PTPRT: variants seen among roughly 807,000 people sequenced by gnomAD.
PTPRT encodes receptor-type tyrosine-protein phosphatase T.
Under a neutral mutation model 176.8 loss-of-function variants are expected in PTPRT, and 56 were observed. That is an observed-to-expected ratio of 0.32 (90% CI 0.26 to 0.40). The LOEUF is 0.40. Ranked by LOEUF, PTPRT falls within the 10% of genes least tolerant of loss-of-function variation. PTPRT has a pLI of 1.00. For synonymous variants in PTPRT, 783 were observed against 739.0 expected (o/e 1.06, Z -0.96); for missense variants, 1,540 against 1,908.2 (o/e 0.81, Z 3.60).
At chr20:42,296,584 A>G (rs1291832390) in intron 12 of PTPRT, among the ~76,000 whole-genome samples, 1 of 152,210 alleles carries the variant, frequency 6.6e-6, no homozygotes, top group Non-Finnish European at 1.5e-5. Flanking sequence ...TATAAAATTA[A>G]TATAGTAAAT....
intron 11 of PTPRT, among the ~76,000 whole-genome samples, chr20:42,345,715 A>C (rs2058184808): frequency 1.3e-5 from 2 of 151,388 alleles, no homozygotes; most frequent in Admixed American, 1.3e-4. Flanking sequence ...ATAGAGGGGT[A>C]TGTAGAAACA....
chr20:43,007,460 T>C (rs1004486636), intron 1 of PTPRT, among the ~76,000 whole-genome samples: 1 of 152,260 alleles, frequency 6.6e-6, no homozygotes, highest in Non-Finnish European at 1.5e-5. Context: ...AACTTTGATA[T>C]GTAAATTAAA....
At chr20:42,124,789 C>T (rs1387160562) in intron 19 of PTPRT, among the ~76,000 whole-genome samples, 2 of 152,192 alleles carry the variant, frequency 1.3e-5, no homozygotes, top group Non-Finnish European at 2.9e-5. Context: ...AGTTCCTCTA[C>T]TCTTCACCCT....
chr20:42,051,922 T>C, the PTPRT span, among the ~76,000 whole-genome samples: 1 of 152,186 alleles, frequency 6.6e-6, no homozygotes, highest in Non-Finnish European at 1.5e-5. Flanking sequence ...TCCCAGATTG[T>C]TTAGCTCCTG....
At chr20:42,829,788 T>C (rs1408119109) in intron 2 of PTPRT, among the ~76,000 whole-genome samples, 1 of 152,006 alleles carries the variant, frequency 6.6e-6, no homozygotes. Context: ...TCCACAGAAA[T>C]AAAAATTATC....
intron 1 of PTPRT, among the ~76,000 whole-genome samples, chr20:42,992,764 G>A (rs1051340180): frequency 1.3e-5 from 2 of 152,176 alleles, no homozygotes; most frequent in Non-Finnish European, 2.9e-5. Context: ...GGCAGTTCTG[G>A]CTTGATGTCA....
At chr20:42,617,863 A>T (rs1267649524) in intron 7 of PTPRT, among the ~76,000 whole-genome samples, 2 of 137,496 alleles carry the variant, frequency 1.5e-5, no homozygotes, top group East Asian at 2.0e-4. Flanking sequence ...GTGGTCTATC[A>T]ATTTTGTTGA....
chr20:42,843,773 G>A (rs1437296087), intron 2 of PTPRT, among the ~76,000 whole-genome samples: 1 of 152,216 alleles, frequency 6.6e-6, no homozygotes, highest in African/African-American at 2.4e-5. Flanking sequence ...TGAATTCTGG[G>A]TGCCACATTC....
chr20:42,532,470 T>C (rs888535435), intron 7 of PTPRT, among the ~76,000 whole-genome samples: 3 of 152,114 alleles, frequency 2.0e-5, no homozygotes, highest in Non-Finnish European at 4.4e-5. Flanking sequence ...GGCATGATCA[T>C]AGTTCACTGC....
chr20:42,546,431 C>T (rs560167364), intron 7 of PTPRT, among the ~76,000 whole-genome samples: 3 of 151,276 alleles, frequency 2.0e-5, no homozygotes, highest in African/African-American at 7.3e-5. Flanking sequence ...GTTACAGCTG[C>T]ATACTACTAG....
At chr20:42,190,957 T>A (rs1990979816) in intron 16 of PTPRT, among the ~76,000 whole-genome samples, 1 of 152,174 alleles carries the variant, frequency 6.6e-6, no homozygotes, top group South Asian at 2.1e-4. Flanking sequence ...TTCCTCACCT[T>A]TAAATTATCA....
At chr20:43,060,333 T>G (rs1006124869) in intron 1 of PTPRT, among the ~76,000 whole-genome samples, 3 of 152,218 alleles carry the variant, frequency 2.0e-5, no homozygotes, top group African/African-American at 7.2e-5. Flanking sequence ...ATGGATGGTC[T>G]TCCTCTTGCT....
At chr20:42,783,078 G>T (rs568724863) in intron 3 of PTPRT, among the ~76,000 whole-genome samples, 1 of 152,106 alleles carries the variant, frequency 6.6e-6, no homozygotes, top group Non-Finnish European at 1.5e-5. Context: ...TCATATACTA[G>T]GCTACAATAT....
intron 17 of PTPRT, among the ~76,000 whole-genome samples, chr20:42,152,974 G>A (rs1429700483): frequency 6.6e-6 from 1 of 151,512 alleles, no homozygotes; most frequent in Non-Finnish European, 1.5e-5. Context: ...TTCGTTTTTT[G>A]CTTCCAAGCT....
At chr20:42,057,923 T>C in the PTPRT span, among the ~76,000 whole-genome samples, 385 of 152,272 alleles carry the variant, frequency 2.5e-3, 7 homozygotes, top group East Asian at 0.035. Context: ...GATAAATATT[T>C]CTCTCCATTT....
chr20:42,939,530 T>C (rs1980411305), intron 1 of PTPRT, among the ~76,000 whole-genome samples: 1 of 152,164 alleles, frequency 6.6e-6, no homozygotes, highest in Non-Finnish European at 1.5e-5. Context: ...ACCTGGCTCA[T>C]AGTTGGTGTT....
chr20:42,622,010 C>T (rs79645011), intron 7 of PTPRT, among the ~76,000 whole-genome samples: 1 of 152,164 alleles, frequency 6.6e-6, no homozygotes, highest in South Asian at 2.1e-4. Flanking sequence ...CTAAAAAGTA[C>T]TCTCAGATTC....
chr20:42,806,310 C>T (rs917119457), intron 2 of PTPRT, among the ~76,000 whole-genome samples: 5 of 151,842 alleles, frequency 3.3e-5, no homozygotes, highest in African/African-American at 1.2e-4. Context: ...GTGGTGAAAC[C>T]CCATCTCTAC....
At chr20:42,490,062 A>C (rs925856917) in intron 7 of PTPRT, among the ~76,000 whole-genome samples, 4 of 152,202 alleles carry the variant, frequency 2.6e-5, no homozygotes, top group Non-Finnish European at 5.9e-5. Context: ...GACATACATG[A>C]AATGGTTCTT....
Sources: gnomAD v4.1 joint callset for allele counts (sites outside exome capture counted in the v4.1 genomes callset) on GRCh38, gnomAD v4.1.1 for gene constraint, MANE v1.5 for transcripts, NCBI Gene and HGNC (gene_info 2026-07-23, HGNC 2026-07-21) for gene names.